Variants in RALYL observed in about 807,000 individuals in gnomAD.
RALYL encodes RALY RNA binding protein like, also known as RNA-binding Raly-like protein.
RALYL carries 29 observed loss-of-function variants against 35.1 expected under a neutral mutation model. That is an observed-to-expected ratio of 0.83 (90% confidence interval 0.61 to 1.13). RALYL has a LOEUF of 1.13. Among genes scored for constraint, RALYL ranks in the 50% most tolerant of loss-of-function variants. RALYL has a pLI of 0.00. For synonymous variants in RALYL, 120 were observed against 127.6 expected (o/e 0.94, Z 0.40); for missense variants, 359 against 360.4 (o/e 1.00, Z 0.03).
intron 2 of RALYL, among the ~76,000 whole-genome samples, chr8:84,652,501 T>A (rs1408171662): frequency 3.3e-5 from 5 of 152,030 alleles, no homozygotes; most frequent in Non-Finnish European, 7.4e-5. Context: ...TTTCAATAAC[T>A]TTTACAACAA....
chr8:84,687,562 A>G (rs1420722532), intron 2 of RALYL, among the ~76,000 whole-genome samples: 3 of 152,092 alleles, frequency 2.0e-5, no homozygotes, highest in Non-Finnish European at 2.9e-5. Flanking sequence ...ACTGCTTTAT[A>G]TAGACAAGTA....
chr8:84,564,105 G>A (rs73691006), intron 2 of RALYL, among the ~76,000 whole-genome samples: 2,362 of 151,690 alleles, frequency 0.016, 68 homozygotes, highest in African/African-American at 0.054. Context: ...AATTCTTATA[G>A]TCATGTTTCT....
chr8:84,251,279 T>C (rs1258096133), intron 1 of RALYL, among the ~76,000 whole-genome samples: 1 of 152,126 alleles, frequency 6.6e-6, no homozygotes, highest in African/African-American at 2.4e-5. Context: ...AATTCTGCTG[T>C]CCAGATCAAG....
At chr8:84,244,162 A>C (rs1298742221) in intron 1 of RALYL, among the ~76,000 whole-genome samples, 3 of 152,124 alleles carry the variant, frequency 2.0e-5, no homozygotes, top group Non-Finnish European at 2.9e-5. Flanking sequence ...ATTCCCTATA[A>C]ATTTTCCAGT....
chr8:84,307,703 G>A (rs908677110), intron 1 of RALYL, among the ~76,000 whole-genome samples: 5 of 152,134 alleles, frequency 3.3e-5, no homozygotes, highest in Non-Finnish European at 7.4e-5. Flanking sequence ...GAAGAAAGAG[G>A]AGCAAGGACC....
intron 2 of RALYL, among the ~76,000 whole-genome samples, chr8:84,676,156 C>T (rs1453917624): frequency 6.6e-6 from 1 of 151,988 alleles, no homozygotes; most frequent in Non-Finnish European, 1.5e-5. Context: ...TTATAAATGT[C>T]CTTACATGAA....
chr8:84,735,811 C>CAAGAGAGA (rs1554556052), intron 2 of RALYL, among the ~76,000 whole-genome samples: 1 of 111,310 alleles, frequency 9.0e-6, no homozygotes, highest in African/African-American at 3.1e-5. Flanking sequence ...ATCCAAACCG[C>CAAGAGAGA]GAGAGAGAGA....
intron 1 of RALYL, among the ~76,000 whole-genome samples, chr8:84,372,456 G>A (rs1855908887): frequency 6.6e-6 from 1 of 151,992 alleles, no homozygotes; most frequent in African/African-American, 2.4e-5. Flanking sequence ...AATAGAGGTG[G>A]GAACAATGGG....
chr8:84,715,012 A>G (rs989757772), intron 2 of RALYL, among the ~76,000 whole-genome samples: 1 of 152,044 alleles, frequency 6.6e-6, no homozygotes, highest in Non-Finnish European at 1.5e-5. Flanking sequence ...TAGATTAACT[A>G]GATGACTTTA....
intron 2 of RALYL, among the ~76,000 whole-genome samples, chr8:84,539,858 ATATATATATATATATATATG>A (rs1194373720): frequency 3.0e-4 from 22 of 72,906 alleles, no homozygotes; most frequent in Admixed American, 7.1e-4. Context: ...ATATATGTAT[ATATATATATATATATATATG>A]TATATATATG....
rs1050675101 is a variant in RALYL, at chr8:84,303,688, C to G, written c.-24+119264C>G. ...AGGACCTTGGATATAATGTAATGTC[C>G]TACTGTAGGTAAAACTGGTATAATT... On this transcript the variant is annotated intron_variant, in intron 1 of 8. Transcript: ENST00000521268. Among the ~76,000 whole-genome samples the G allele has an allele frequency of 3.2e-4, 49 of 152,240 alleles. 1 individual carries two copies. The highest frequency in any genetic ancestry group is 1.1e-3 in the African/African-American group (47 of 41,546).
rs2054806192 is a variant in RALYL at position 84,487,699 on chromosome 8, A to C, written c.-23-41600A>C. 9.2e-5 allele frequency among the ~76,000 whole-genome samples: 14 copies of C among 152,224 alleles called. No individual in the cohort carries two copies. The South Asian group carries it at 2.9e-3, about 31-fold the overall frequency. On this transcript the variant is annotated intron_variant, in intron 1 of 8. Coordinates refer to ENST00000521268, the MANE Select transcript of RALYL (RefSeq NM_173848.7). ...TGAGTAATTGAAACAAATATCAAAA[A>C]ATGGACTGCAAAGCCTAGAATTTAA...
chr8:84,446,686 G>T (rs1211445337), intron 1 of RALYL, among the ~76,000 whole-genome samples: 1 of 152,052 alleles, frequency 6.6e-6, no homozygotes, highest in Non-Finnish European at 1.5e-5. Context: ...TGGGGTGATG[G>T]AATAGGGACT....
chr8:84,570,024 G>A (rs1244715263), intron 2 of RALYL, among the ~76,000 whole-genome samples: 1 of 151,850 alleles, frequency 6.6e-6, no homozygotes, highest in Non-Finnish European at 1.5e-5. Flanking sequence ...GTAATGTGAT[G>A]CCTCCATATT....
chr8:84,723,375 C>T (rs939737163), intron 2 of RALYL, among the ~76,000 whole-genome samples: 3 of 151,892 alleles, frequency 2.0e-5, no homozygotes, highest in African/African-American at 4.8e-5. Flanking sequence ...TCGATTTGAA[C>T]CTAAAGTTAT....
chr8:84,506,176 C>T (rs1012149402), intron 1 of RALYL, among the ~76,000 whole-genome samples: 1 of 151,994 alleles, frequency 6.6e-6, no homozygotes, highest in Non-Finnish European at 1.5e-5. Flanking sequence ...GTTACAGCTA[C>T]CCAGGTTTTA....
At chr8:84,296,592 C>T (rs181701521) in intron 1 of RALYL, among the ~76,000 whole-genome samples, 54 of 149,760 alleles carry the variant, frequency 3.6e-4, no homozygotes, top group African/African-American at 1.3e-3. Flanking sequence ...TACCTATTCC[C>T]TAGAGCAGGA....
chr8:84,888,732 A>T (rs546568248), intron 8 of RALYL, among the ~76,000 whole-genome samples: 64 of 152,030 alleles, frequency 4.2e-4, no homozygotes, highest in African/African-American at 1.5e-3. Context: ...TGGCACCTTT[A>T]TTATTTTTTG....
chr8:84,512,798 T>A (rs956300884), intron 1 of RALYL, among the ~76,000 whole-genome samples: 1 of 152,222 alleles, frequency 6.6e-6, no homozygotes, highest in Non-Finnish European at 1.5e-5. Flanking sequence ...CTTTCTCCAA[T>A]GTATGTTCTG....
Sources: allele counts gnomAD v4.1 joint callset (sites outside exome capture counted in the v4.1 genomes callset), GRCh38; gene constraint gnomAD v4.1.1; transcripts MANE v1.5; gene names NCBI Gene and HGNC (gene_info 2026-07-23, HGNC 2026-07-21).